MRC1: variants seen among roughly 807,000 people sequenced by gnomAD.
MRC1 encodes macrophage mannose receptor 1.
MRC1 carries 62 observed loss-of-function variants against 102.9 expected under a neutral mutation model. The observed-to-expected ratio is 0.60, with a 90% CI of 0.49 to 0.74. MRC1 has a LOEUF of 0.74. Ranked by LOEUF, MRC1 falls within the 30% of genes least tolerant of loss-of-function variation. The pLI is 0.00. For synonymous variants in MRC1, 457 were observed against 298.4 expected, an observed-to-expected ratio of 1.53 and a Z score of -5.48; for missense variants, 1,237 against 862.8, an observed-to-expected ratio of 1.43 and a Z score of -5.43.
At chr10:17,839,502 C>A (rs1188272787) in intron 4 of MRC1, among the ~76,000 whole-genome samples, 2 of 54,154 alleles carry the variant, frequency 3.7e-5, no homozygotes, top group South Asian at 4.8e-4. Context: ...TGTGAAAATT[C>A]TTTTAAAGAA....
Position 17,867,364 on chromosome 10 carries a change from C to CCTTCTTCTT in MRC1, c.1983+618_1983+626dup, listed in dbSNP as rs782794499. Among the ~76,000 whole-genome samples, 1,126 of 141,336 alleles carry CCTTCTTCTT rather than the reference C, an allele frequency of 8.0e-3. 17 individuals are homozygous for CCTTCTTCTT. Among genetic ancestry groups the CCTTCTTCTT allele is most frequent in the African/African-American group, 0.029 (1,055 of 36,906 alleles). 92.7% of individuals were successfully genotyped at this position (141,336 alleles called of 152,430 possible). On this transcript the variant is annotated intron_variant, in intron 12 of 29. Transcript: ENST00000569591. ...CTCCTCCTCTTCTTCTTCTCCTTCT[C>CCTTCTTCTT]CTTCTTCTTCTTCTTCTTCTTCTCC... is the stretch of plus-strand genomic sequence containing the variant.
rs1466685158 is a variant in MRC1, at chr10:17,881,055, C to T, written c.2866-12C>T. ...AGTTTTTCTTTTTTTCTCTGCCCCTCTTCCATCCCAGTGTTTCAAAATCTT... is the reference window on the plus strand; with the variant it reads ...AGTTTTTCTTTTTTTCTCTGCCCCTTTTCCATCCCAGTGTTTCAAAATCTT... On this transcript the variant is annotated splice_polypyrimidine_tract_variant and intron_variant, in intron 20 of 29. Transcript: ENST00000569591. The T allele has an allele frequency of 1.3e-6, 1 of 780,402 alleles. No homozygotes were observed. The highest frequency in any genetic ancestry group is 1.7e-5 in the African/African-American group (1 of 59,090). 48.3% of individuals were successfully genotyped at this position (780,402 alleles called of 1,614,324 possible). A position where few individuals can be genotyped will look rare whatever the true frequency, so the allele number is the denominator to read the frequency against.
chr10:17,873,919 A>G (rs1833390357), intron 16 of MRC1, 94 bp downstream of exon 16: 1 of 808,270 alleles, frequency 1.2e-6, no homozygotes, highest in Admixed American at 1.8e-5. Flanking sequence ...CTAGGAAGGT[A>G]GAGAGCAGAA....
chr10:17,878,141 C>T (rs1446187291), intron 18 of MRC1, among the ~76,000 whole-genome samples, 174 bp downstream of exon 18: 3 of 152,158 alleles, frequency 2.0e-5, no homozygotes, highest in African/African-American at 7.2e-5. Context: ...ATATTTTCAG[C>T]ACTATAAATT....
chr10:17,866,506 G>T, intron 11 of MRC1, 56 bp from the exon 12 acceptor site: 1 of 780,770 alleles, frequency 1.3e-6, no homozygotes, highest in South Asian at 1.3e-5. Context: ...CTGTGAGCAC[G>T]GCAGGCCTTC....
chr10:17,822,063 ACC>A (rs1172491925), intron 1 of MRC1, among the ~76,000 whole-genome samples: 4 of 152,202 alleles, frequency 2.6e-5, no homozygotes, highest in Non-Finnish European at 5.9e-5. Flanking sequence ...AAAAATGCTT[ACC>A]AGATCCTTTT....
chr10:17,853,600 G>GTGTGTA (rs1471594074), intron 8 of MRC1, among the ~76,000 whole-genome samples: 280 of 127,676 alleles, frequency 2.2e-3, no homozygotes, highest in African/African-American at 7.8e-3. Context: ...GTGTGTGTGT[G>GTGTGTA]TATATATATA....
intron 14 of MRC1, among the ~76,000 whole-genome samples, chr10:17,871,412 G>T (rs1224626277): frequency 6.6e-6 from 1 of 152,138 alleles, no homozygotes; most frequent in East Asian, 1.9e-4. Context: ...GCTTAGTCCA[G>T]AACCCCGTGG....
chr10:17,907,066 G>T (rs976957745), intron 27 of MRC1, 67 bp downstream of exon 27: 7 of 762,800 alleles, frequency 9.2e-6, no homozygotes, highest in Non-Finnish European at 1.5e-5. Flanking sequence ...ACAAGGTTTC[G>T]TTTCCAAAAT....
intron 1 of MRC1, among the ~76,000 whole-genome samples, chr10:17,817,631 C>G (rs1054545550): frequency 2.0e-5 from 3 of 152,010 alleles, no homozygotes; most frequent in Non-Finnish European, 4.4e-5. Flanking sequence ...CACTGCAATT[C>G]TGGATATAAA....
chr10:17,907,126 C>A, intron 27 of MRC1, 127 bp downstream of exon 27: 1 of 690,032 alleles, frequency 1.4e-6, no homozygotes, highest in Non-Finnish European at 2.6e-6. Context: ...AATTCAAACT[C>A]ATATTTTTAT....
intron 22 of MRC1, among the ~76,000 whole-genome samples, chr10:17,889,523 C>T (rs1833645356): frequency 6.6e-6 from 1 of 152,162 alleles, no homozygotes; most frequent in Non-Finnish European, 1.5e-5. Flanking sequence ...ACCTTGGCCT[C>T]CCAAAGTACT....
intron 1 of MRC1, among the ~76,000 whole-genome samples, chr10:17,811,490 GAGAATAAACA>G (rs1281053193): frequency 2.6e-5 from 4 of 151,844 alleles, no homozygotes; most frequent in African/African-American, 9.7e-5. Context: ...TGTTTACTTG[GAGAATAAACA>G]AACAAAAAAT....
chr10:17,899,689 A>C (rs1833802313), intron 24 of MRC1, among the ~76,000 whole-genome samples: 3 of 152,214 alleles, frequency 2.0e-5, no homozygotes, highest in African/African-American at 7.2e-5. Context: ...ATTCTTAAAC[A>C]ATACCTGTAA....
chr10:17,872,016 A>G lies in MRC1; in HGVS notation c.2234A>G (p.Asn745Ser). 1 of 780,700 alleles carries G rather than the reference A, an allele frequency of 1.3e-6. No homozygotes were observed. The highest frequency in any genetic ancestry group is 1.3e-5 in the South Asian group (1 of 74,616). The allele number at this position is 780,700 out of a possible 1,614,324, so 48.4% of individuals were successfully genotyped here. Reference protein sequence around the residue: ...SYENWAYGEPNNYQNVEYCGE... With the variant: ...SYENWAYGEPSNYQNVEYCGE... Reference sequence around the variant, plus strand: ...GAAAACTGGGCTTATGGAGAACCTAATAATTATCAAAATGTTGAATACTGT... The same window carrying G: ...GAAAACTGGGCTTATGGAGAACCTAGTAATTATCAAAATGTTGAATACTGT... The change falls in exon 15 of 30, where the codon AAT becomes AGT. Residue 745 changes from asparagine (N) to serine (S), a missense_variant. Coordinates refer to ENST00000569591, the MANE Select transcript of MRC1 (RefSeq NM_002438.4).
At chr10:17,873,955 C>A (rs1056239020) in intron 16 of MRC1, 130 bp downstream of exon 16, 2 of 710,228 alleles carry the variant, frequency 2.8e-6, no homozygotes, top group South Asian at 1.6e-5. Context: ...TGAGTGAGAA[C>A]GTCATGGAAA....
intron 26 of MRC1, among the ~76,000 whole-genome samples, chr10:17,905,215 T>A (rs1833879957): frequency 6.6e-6 from 1 of 152,176 alleles, no homozygotes; most frequent in African/African-American, 2.4e-5. Flanking sequence ...TGTTGGTTTT[T>A]AAGGCTACAG....
chr10:17,823,718 T>G (rs1838432912), intron 2 of MRC1, among the ~76,000 whole-genome samples: 1 of 152,252 alleles, frequency 6.6e-6, no homozygotes, highest in Non-Finnish European at 1.5e-5. Flanking sequence ...TTCTTTTAAC[T>G]TTCTCTGAGG....
At chr10:17,840,984 G>T (rs997432837) in intron 5 of MRC1, among the ~76,000 whole-genome samples, 178 bp downstream of exon 5, 1 of 152,170 alleles carries the variant, frequency 6.6e-6, no homozygotes, top group African/African-American at 2.4e-5. Flanking sequence ...GAATTGTAAG[G>T]TTATACCAGC....
Sources: allele counts gnomAD v4.1 joint callset (sites outside exome capture counted in the v4.1 genomes callset), GRCh38; gene constraint gnomAD v4.1.1; transcripts MANE v1.5; gene names NCBI Gene and HGNC (gene_info 2026-07-23, HGNC 2026-07-21).